PPM1L: variants seen among roughly 807,000 people sequenced by gnomAD.
The protein encoded by PPM1L is protein phosphatase, Mg2+/Mn2+ dependent 1L, also known as protein phosphatase 1L.
PPM1L carries 13 observed loss-of-function variants against 31.4 expected under a neutral mutation model. That is an observed-to-expected ratio of 0.41 (90% CI 0.27 to 0.66). The LOEUF (loss-of-function observed/expected upper bound fraction) is 0.66. Among genes scored for constraint, PPM1L ranks in the 30% least tolerant of loss-of-function variants. The pLI is 0.29. For synonymous variants in PPM1L, 184 were observed against 175.4 expected (o/e 1.05, Z -0.39); for missense variants, 326 against 453.7 (o/e 0.72, Z 2.56).
Position 160,845,511 on chromosome 3 carries a change from C to CTATT in PPM1L, c.399+88813_399+88816dup, listed in dbSNP as rs1201740378. Among the ~76,000 whole-genome samples, 17 of 151,932 alleles carry CTATT rather than the reference C, an allele frequency of 1.1e-4. No individual in the cohort carries two copies. The South Asian group carries it at 2.5e-3, about 22-fold the overall frequency. The stretch of plus-strand genomic sequence containing the variant: ...TAGATTCCATTGAAGCTCAATTTCT[C>CTATT]TATTTATTTATTATTATTATTTTTG... On this transcript the variant is annotated intron_variant, in intron 1 of 3. Coordinates refer to ENST00000498165, the MANE Select transcript of PPM1L (RefSeq NM_139245.4).
chr3:160,833,624 G>GT (rs141189685), intron 1 of PPM1L, among the ~76,000 whole-genome samples: 88 of 150,664 alleles, frequency 5.8e-4, no homozygotes, highest in Middle Eastern at 3.4e-3. Flanking sequence ...TTTTAATGGG[G>GT]TTTTTTTTTC....
intron 1 of PPM1L, among the ~76,000 whole-genome samples, chr3:160,798,527 C>A (rs923635997): frequency 5.3e-5 from 8 of 152,148 alleles, no homozygotes; most frequent in Admixed American, 5.2e-4. Context: ...AACAACAAAG[C>A]TTGGATGATA....
intron 2 of PPM1L, among the ~76,000 whole-genome samples, chr3:160,966,179 TA>T (rs1425537342): frequency 6.6e-6 from 1 of 152,088 alleles, no homozygotes; most frequent in African/African-American, 2.4e-5. Context: ...AGTTCTCACC[TA>T]GAATCTATAT....
At chr3:160,944,802 C>CATATATTATATATTATATTATATATGTT (rs1553748137) in intron 1 of PPM1L, among the ~76,000 whole-genome samples, 2 of 14,334 alleles carry the variant, frequency 1.4e-4, no homozygotes, top group Admixed American at 9.0e-4. Flanking sequence ...TTATATATAA[C>CATATATTATATATTATATTATATATGTT]ATATATAACA....
chr3:160,849,415 C>CTTTTT (rs1157661140), intron 1 of PPM1L, among the ~76,000 whole-genome samples: 1 of 146,524 alleles, frequency 6.8e-6, no homozygotes, highest in African/African-American at 2.7e-5. Flanking sequence ...TTCTTTCTTT[C>CTTTTT]TTTCTTTTTT....
intron 2 of PPM1L, among the ~76,000 whole-genome samples, chr3:161,024,177 A>C (rs1358028565): frequency 6.6e-6 from 1 of 150,664 alleles, no homozygotes; most frequent in African/African-American, 2.5e-5. Flanking sequence ...AGGCAGGAGA[A>C]TCTCTTGAAC....
At chr3:160,910,656 T>C (rs532552115) in intron 1 of PPM1L, among the ~76,000 whole-genome samples, 51 of 152,206 alleles carry the variant, frequency 3.4e-4, no homozygotes, top group Non-Finnish European at 6.8e-4. Flanking sequence ...ATGGCTTTTA[T>C]TTTCTTTTCC....
intron 1 of PPM1L, among the ~76,000 whole-genome samples, chr3:160,773,870 A>G (rs559917947): frequency 1.4e-4 from 21 of 151,462 alleles, no homozygotes; most frequent in African/African-American, 4.4e-4. Flanking sequence ...GGTTTTAATG[A>G]CACCACCTAT....
At chr3:160,969,951 A>G (rs1441392119) in intron 2 of PPM1L, among the ~76,000 whole-genome samples, 1 of 152,116 alleles carries the variant, frequency 6.6e-6, no homozygotes, top group Non-Finnish European at 1.5e-5. Flanking sequence ...CATAATCAAC[A>G]TCTTTGGTGT....
intron 1 of PPM1L, among the ~76,000 whole-genome samples, chr3:160,922,085 C>A (rs1184974610): frequency 6.6e-6 from 1 of 152,084 alleles, no homozygotes; most frequent in Non-Finnish European, 1.5e-5. Flanking sequence ...CCAAGGCGGG[C>A]AGATCACGAG....
chr3:160,774,883 C>T lies in PPM1L; in HGVS notation c.399+18176C>T, dbSNP rs1488275873. ...TTAATTTTCCTCTCCAACCAGGGTT[C>T]ACCTTTCTTGAGTTTCACATCTCTA... On this transcript the variant is annotated intron_variant, in intron 1 of 3. Transcript: ENST00000498165. Among the ~76,000 whole-genome samples, 3 of 152,216 alleles carry T rather than the reference C, an allele frequency of 2.0e-5. No homozygotes were observed. The East Asian group carries it at 5.8e-4, about 29-fold the overall frequency.
chr3:160,819,297 A>G (rs1441782805), intron 1 of PPM1L, among the ~76,000 whole-genome samples: 4 of 152,066 alleles, frequency 2.6e-5, no homozygotes, highest in Non-Finnish European at 4.4e-5. Context: ...TTAATATAAC[A>G]TAAGAAACTG....
At chr3:161,014,402 A>G (rs1470108145) in intron 2 of PPM1L, among the ~76,000 whole-genome samples, 1 of 151,706 alleles carries the variant, frequency 6.6e-6, no homozygotes, top group Non-Finnish European at 1.5e-5. Context: ...TTATATCTCT[A>G]TTCTCTAATT....
intron 2 of PPM1L, among the ~76,000 whole-genome samples, chr3:161,032,385 C>T (rs1718597362): frequency 1.3e-5 from 2 of 152,184 alleles, no homozygotes; most frequent in African/African-American, 4.8e-5. Context: ...CATCACCTAC[C>T]TGATACACTT....
At chr3:160,904,337 G>A (rs1294985713) in intron 1 of PPM1L, among the ~76,000 whole-genome samples, 2 of 152,064 alleles carry the variant, frequency 1.3e-5, no homozygotes, top group Non-Finnish European at 2.9e-5. Flanking sequence ...AATTTGTTAG[G>A]TAGAGGACAT....
intron 2 of PPM1L, among the ~76,000 whole-genome samples, chr3:161,023,513 G>A (rs1025132150): frequency 4.6e-5 from 7 of 151,822 alleles, no homozygotes; most frequent in South Asian, 2.1e-4. Context: ...TCCTCATATC[G>A]GCTGTAAAAT....
At chr3:160,757,691 G>T (rs772378511) in intron 1 of PPM1L, among the ~76,000 whole-genome samples, 2 of 152,228 alleles carry the variant, frequency 1.3e-5, no homozygotes, top group Non-Finnish European at 2.9e-5. Flanking sequence ...TCAAATTGGC[G>T]GTTTGTAACG....
chr3:160,801,967 T>A (rs1299242658), intron 1 of PPM1L, among the ~76,000 whole-genome samples: 1 of 152,162 alleles, frequency 6.6e-6, no homozygotes, highest in African/African-American at 2.4e-5. Context: ...GTCGATTGCC[T>A]TGGTTGTGAA....
At chr3:160,880,115 T>C (rs1712657851) in intron 1 of PPM1L, among the ~76,000 whole-genome samples, 1 of 152,170 alleles carries the variant, frequency 6.6e-6, no homozygotes, top group African/African-American at 2.4e-5. Context: ...GGTAATTCTC[T>C]ACAGAGAGAG....
Sources: allele counts gnomAD v4.1 joint callset (sites outside exome capture counted in the v4.1 genomes callset), GRCh38; gene constraint gnomAD v4.1.1; transcripts MANE v1.5; gene names NCBI Gene and HGNC (gene_info 2026-07-23, HGNC 2026-07-21).